The following ATRN variants were observed in gnomAD, a reference collection of about 807,000 sequenced individuals.
ATRN encodes attractin-2.
A neutral mutation model predicts 178.7 loss-of-function variants in ATRN; 54 were observed. The observed-to-expected ratio is 0.30, with a 90% confidence interval of 0.24 to 0.38. The LOEUF (loss-of-function observed/expected upper bound fraction) is 0.38. Ranked by LOEUF, ATRN falls within the 10% of genes least tolerant of loss-of-function variation. The probability of loss-of-function intolerance (pLI) is 1.00; values close to 1 mark genes in which losing one functional copy is unlikely to be tolerated. For missense variants in ATRN, 1,443 were observed against 1,815.1 expected (o/e 0.79, Z 3.73); for synonymous variants, 636 against 663.0 (o/e 0.96, Z 0.63).
At chr20:3,630,100 GC>G (rs1302827299) in intron 25 of ATRN, among the ~76,000 whole-genome samples, 1 of 152,106 alleles carries the variant, frequency 6.6e-6, no homozygotes, top group South Asian at 2.1e-4. Context: ...CTGGTGACCA[GC>G]CCCCGCATCT....
At chr20:3,480,293 G>C (rs571035816) in intron 1 of ATRN, among the ~76,000 whole-genome samples, 1 of 152,166 alleles carries the variant, frequency 6.6e-6, no homozygotes, top group Non-Finnish European at 1.5e-5. Flanking sequence ...TTTTGTCGGA[G>C]ATCCCTTTCC....
In ATRN at chr20:3,497,857, G is replaced by A. The variant is rs532024639; in HGVS notation, c.410+26340G>A. Among the ~76,000 whole-genome samples, 208 of 151,950 alleles carry A rather than the reference G, an allele frequency of 1.4e-3. 3 individuals are homozygous for A. In the South Asian group the frequency reaches 0.024, roughly 18 times the overall value. On this transcript the variant is annotated intron_variant, in intron 1 of 28. Transcript: ENST00000262919. ...CCCATATTTCTTGGAGGCTTTGCTCGTTTCTTTTTATTCTTTTTTCTCTAA... is the reference window on the plus strand; with the variant it reads ...CCCATATTTCTTGGAGGCTTTGCTCATTTCTTTTTATTCTTTTTTCTCTAA...
At position 3,498,340 on chromosome 20, in the gene ATRN, G is replaced by A. The variant is rs181037370; in HGVS notation, c.410+26823G>A. 6.6e-4 allele frequency among the ~76,000 whole-genome samples: 100 copies of A among 152,284 alleles called. 2 individuals carry two copies. The East Asian group carries it at 0.016, about 24-fold the overall frequency. On this transcript the variant is annotated intron_variant, in intron 1 of 28. Transcript: ENST00000262919. ...CTCTCTAACTCATTTTATGAGGCCA[G>A]CATCATCCTGATACCAAAGCCAGGC...
rs1173899922 is a variant in ATRN, at chr20:3,471,281, G to C, written c.174G>C (p.Arg58=). The change falls in exon 1 of 29, where the codon CGG becomes CGC. Residue 58 remains arginine (R), a synonymous_variant. Coordinates refer to ENST00000262919, the MANE Select transcript of ATRN (RefSeq NM_139321.3). The part of the protein sequence containing the change: ...RLPRLLSPPL[R]PRLLLLLLLL... ...CGCGGCTGCTGTCTCCACCGCTGCG[G>C]CCACGGCTGCTGCTGCTGCTGTTGT... The C allele has an allele frequency of 6.8e-6, 10 of 1,466,916 alleles. No individual in the cohort carries two copies. The highest frequency in any genetic ancestry group is 2.3e-4 in the Middle Eastern group (1 of 4,278). 90.9% of individuals were successfully genotyped at this position (1,466,916 alleles called of 1,614,324 possible).
At chr20:3,492,871 G>GCGCGCA (rs1313147425) in intron 1 of ATRN, among the ~76,000 whole-genome samples, 68 of 132,440 alleles carry the variant, frequency 5.1e-4, no homozygotes, top group Non-Finnish European at 6.8e-4. Context: ...GCGCGCGTGC[G>GCGCGCA]CACGCACACA....
At chr20:3,592,726 G>T (rs965081715) in intron 19 of ATRN, among the ~76,000 whole-genome samples, 2 of 152,142 alleles carry the variant, frequency 1.3e-5, no homozygotes, top group Non-Finnish European at 2.9e-5. Flanking sequence ...TTCTAGCTGT[G>T]TGTCCCTTAC....
intron 26 of ATRN, among the ~76,000 whole-genome samples, chr20:3,635,025 G>T (rs1462402379): frequency 6.6e-6 from 1 of 152,036 alleles, no homozygotes; most frequent in Non-Finnish European, 1.5e-5. Context: ...GTATGTGCGT[G>T]TGTATGTATA....
At chr20:3,615,960 G>A in intron 24 of ATRN, 1 of 334,224 alleles carries the variant, frequency 3.0e-6, no homozygotes. Context: ...GAGTTAATGG[G>A]TGCAGCACAC....
chr20:3,471,428 C>A lies in ATRN; in HGVS notation c.321C>A (p.Asn107Lys). 1 of 1,470,262 alleles carries A rather than the reference C, an allele frequency of 6.8e-7. No homozygotes were observed. Among genetic ancestry groups the A allele is most frequent in the Middle Eastern group, 1.9e-4 (1 of 5,390 alleles). 91.1% of individuals were successfully genotyped at this position (1,470,262 alleles called of 1,614,324 possible). The change falls in exon 1 of 29, where the codon AAC (asparagine) becomes AAA (lysine). Residue 107 changes from asparagine (N) to lysine (K), a missense_variant. Physicochemically the swap from Asn to Lys is moderately conservative, Grantham distance 94. Transcript: ENST00000262919. ...EAKECDRPCV[N>K]GGRCNPGTGQ... ...AGGAATGTGACCGGCCCTGTGTCAA[C>A]GGCGGTCGCTGCAACCCTGGCACCG...
intron 18 of ATRN, among the ~76,000 whole-genome samples, chr20:3,589,354 C>A (rs902965790): frequency 3.3e-5 from 5 of 151,806 alleles, no homozygotes; most frequent in African/African-American, 1.2e-4. Flanking sequence ...TCCTGTTTAA[C>A]CTGTTAACGA....
intron 1 of ATRN, among the ~76,000 whole-genome samples, chr20:3,524,234 C>CAAA (rs761056301): frequency 3.1e-5 from 3 of 96,320 alleles, no homozygotes; most frequent in African/African-American, 6.2e-5. Flanking sequence ...AAATGGAAGC[C>CAAA]AAAAAAAAAA....
chr20:3,623,153 C>G (rs1475680940), intron 24 of ATRN, among the ~76,000 whole-genome samples: 2 of 152,156 alleles, frequency 1.3e-5, no homozygotes, highest in African/African-American at 4.8e-5. Flanking sequence ...TCTTCATTCC[C>G]CAAAATGACC....
At chr20:3,537,738 A>C in intron 2 of ATRN, among the ~76,000 whole-genome samples, 1 of 144,978 alleles carries the variant, frequency 6.9e-6, no homozygotes, top group African/African-American at 2.6e-5. Context: ...TCCTATTCCC[A>C]CCTATAAGTG....
At chr20:3,557,113 C>T (rs2085888058) in intron 6 of ATRN, among the ~76,000 whole-genome samples, 1 of 152,234 alleles carries the variant, frequency 6.6e-6, no homozygotes, top group Admixed American at 6.5e-5. Flanking sequence ...TCAGGAAACA[C>T]CTTTCATAGC....
At chr20:3,583,733 G>T (rs987604695) in intron 16 of ATRN, among the ~76,000 whole-genome samples, 165 bp from the exon 17 acceptor site, 5 of 152,068 alleles carry the variant, frequency 3.3e-5, no homozygotes, top group Admixed American at 1.3e-4. Flanking sequence ...ACTTGAACCG[G>T]GGAGGCGGAG....
intron 24 of ATRN, chr20:3,616,044 TA>T (rs5840003): frequency 0.79 from 117,113 of 149,032 alleles, 45,928 homozygotes; most frequent in East Asian, 1. Context: ...AAAGTATAAT[TA>T]AAAAAAAAAA....
chr20:3,640,251 T>C (rs235555), intron 27 of ATRN, among the ~76,000 whole-genome samples: 132,042 of 152,266 alleles, frequency 0.87, 57,645 homozygotes, highest in East Asian at 1. Context: ...ACATGTTAAA[T>C]AGCATATCAG....
At chr20:3,643,455 C>T (rs976272596) in intron 27 of ATRN, among the ~76,000 whole-genome samples, 3 of 151,642 alleles carry the variant, frequency 2.0e-5, no homozygotes, top group Non-Finnish European at 2.9e-5. Flanking sequence ...CGCTTGAGCC[C>T]AGGAGTTCAA....
intron 1 of ATRN, among the ~76,000 whole-genome samples, chr20:3,471,742 C>T (rs1011544486): frequency 6.6e-6 from 1 of 152,150 alleles, no homozygotes; most frequent in African/African-American, 2.4e-5. Flanking sequence ...GGGGGCACCC[C>T]GACGGTATTT....
Sources: gnomAD v4.1 joint callset for allele counts (sites outside exome capture counted in the v4.1 genomes callset) on GRCh38, gnomAD v4.1.1 for gene constraint, MANE v1.5 for transcripts, NCBI Gene and HGNC (gene_info 2026-07-23, HGNC 2026-07-21) for gene names.